LITAF: variants seen among roughly 807,000 people sequenced by gnomAD.
LITAF encodes the protein lipopolysaccharide-induced tumor necrosis factor-alpha factor.
LITAF carries 9 observed loss-of-function variants against 14.5 expected under a neutral mutation model. That is an observed-to-expected ratio of 0.62 (90% CI 0.37 to 1.08). The LOEUF is 1.08. Among genes scored for constraint, LITAF ranks in the 50% least tolerant of loss-of-function variants. LITAF has a pLI of 0.01. For missense variants in LITAF, 206 were observed against 213.4 expected, an observed-to-expected ratio of 0.97 and a Z score of 0.22; for synonymous variants, 98 against 88.2, an observed-to-expected ratio of 1.11 and a Z score of -0.62.
chr16:11,574,951 T>TGC, intron 1 of LITAF, among the ~76,000 whole-genome samples: 1 of 152,180 alleles, frequency 6.6e-6, no homozygotes, highest in Non-Finnish European at 1.5e-5. Context: ...TACAGGTGCA[T>TGC]GCCACCACGC....
rs940066921 is a variant in LITAF at position 11,605,923 on chromosome 16, G to A, written c.85+27610C>T. Among the ~76,000 whole-genome samples the A allele has an allele frequency of 6.6e-6, 1 of 152,126 alleles. No homozygotes were observed. The highest frequency in any genetic ancestry group is 1.5e-5 in the Non-Finnish European group (1 of 68,042). On this transcript the variant is annotated intron_variant, in intron 3 of 3. Coordinates refer to the LITAF transcript ENST00000574848. This position sits in a 1 kb window ranked among gnomAD's most constrained non-coding sequence, Gnocchi z 4.7. ...AGGATCAAGACCAACCTCTCCCACG[G>A]CCTGCGCACAGCCTGATCTTCTGGG...
chr16:11,579,703 G>A (rs1343804897), intron 1 of LITAF, among the ~76,000 whole-genome samples: 1 of 152,042 alleles, frequency 6.6e-6, no homozygotes, highest in African/African-American at 2.4e-5. Context: ...ATAATGGAGA[G>A]AACCAGGAAC....
At chr16:11,555,740 C>T (rs141740247) in intron 2 of LITAF, among the ~76,000 whole-genome samples, 1 of 152,232 alleles carries the variant, frequency 6.6e-6, no homozygotes, top group Non-Finnish European at 1.5e-5. Flanking sequence ...TTATCTCATC[C>T]TCTTCCAGCT....
At chr16:11,630,570 C>CTTT (rs66732953) in intron 3 of LITAF, among the ~76,000 whole-genome samples, 13 of 114,242 alleles carry the variant, frequency 1.1e-4, no homozygotes, top group African/African-American at 2.9e-4. Flanking sequence ...CCCTGGCCAA[C>CTTT]TTTTTTTTTT....
chr16:11,631,115 C>T (rs1294447705), intron 3 of LITAF, among the ~76,000 whole-genome samples: 2 of 152,170 alleles, frequency 1.3e-5, no homozygotes, highest in Non-Finnish European at 2.9e-5. Flanking sequence ...CTCAGGGCTG[C>T]AGAAAATAAA....
In LITAF at chr16:11,556,540, T is replaced by C; in HGVS notation, c.191A>G (p.Gln64Arg). The change falls in exon 2 of 4, where the codon CAG (glutamine) becomes CGG (arginine). Residue 64 changes from glutamine (Q) to arginine (R), a missense_variant. Transcript: ENST00000622633. ...ATTGTTATTGGGGATGGGCGCTGGC[T>C]GGGTATAATACGAAGGAGGATTCAT... ...KGMNPPSYYTQPAPIPNNNPI... is the reference protein window; with the variant it reads ...KGMNPPSYYTRPAPIPNNNPI... 1.2e-6 allele frequency: 2 copies of C among 1,614,154 alleles called. No homozygotes were observed. Among genetic ancestry groups the C allele is most frequent in the African/African-American group, 1.3e-5 (1 of 75,052 alleles).
At chr16:11,598,167 G>A (rs2064903315) in intron 1 of LITAF, among the ~76,000 whole-genome samples, 1 of 152,104 alleles carries the variant, frequency 6.6e-6, no homozygotes, top group South Asian at 2.1e-4. Flanking sequence ...CAAGGTGCTG[G>A]AATTACAGGC....
At position 11,553,525 on chromosome 16, in the gene LITAF, A is replaced by G; in HGVS notation, c.377+8T>C. On this transcript the variant is annotated splice_region_variant and intron_variant, in intron 3 of 3. Coordinates refer to ENST00000622633, the MANE Select transcript of LITAF (RefSeq NM_001136472.2). The surrounding 1 kb of genome is among the most constrained non-coding windows in gnomAD (Gnocchi z 7.7). Reference sequence around the variant, plus strand: ...GATGGCTTGGGGCCAAGTGGGAGGCAGACTCACCCCAGCAGGCACAGGCTC... The same window carrying G: ...GATGGCTTGGGGCCAAGTGGGAGGCGGACTCACCCCAGCAGGCACAGGCTC... The G allele has an allele frequency of 6.2e-7, 1 of 1,613,820 alleles. No homozygotes were observed. The highest frequency in any genetic ancestry group is 8.5e-7 in the Non-Finnish European group (1 of 1,179,912).
At chr16:11,616,728 T>G (rs1029784070) in intron 3 of LITAF, among the ~76,000 whole-genome samples, 3 of 151,878 alleles carry the variant, frequency 2.0e-5, no homozygotes, top group African/African-American at 7.2e-5. Flanking sequence ...GTGGGCAACA[T>G]AGGAAGACCC....
intron 3 of LITAF, among the ~76,000 whole-genome samples, chr16:11,619,247 G>T (rs1030409526): frequency 6.6e-6 from 1 of 151,732 alleles, no homozygotes; most frequent in East Asian, 1.9e-4. Flanking sequence ...GGAGGAAGAG[G>T]TTGCAGTGAG....
chr16:11,595,025 A>C (rs1312227598), intron 1 of LITAF, among the ~76,000 whole-genome samples: 1 of 152,196 alleles, frequency 6.6e-6, no homozygotes, highest in Non-Finnish European at 1.5e-5. Flanking sequence ...GAACAAATGC[A>C]AGTTGCTTAT....
chr16:11,626,905 C>T (rs138750332), intron 3 of LITAF, among the ~76,000 whole-genome samples: 249 of 151,910 alleles, frequency 1.6e-3, no homozygotes, highest in African/African-American at 5.3e-3. Flanking sequence ...TGCAGTGGCA[C>T]GATCTTGGCT....
At position 11,548,887 on chromosome 16, in the gene LITAF, TTACTC is replaced by T. The variant is rs1416752733; in HGVS notation, c.*745_*749del. 1.8e-5 allele frequency: 8 copies of T among 453,812 alleles called. No individual in the cohort carries two copies. The highest frequency in any genetic ancestry group is 1.2e-4 in the South Asian group (8 of 64,460). 28.1% of individuals were successfully genotyped at this position (453,812 alleles called of 1,614,324 possible). On this transcript the variant is annotated 3_prime_UTR_variant, in exon 4 of 4. Coordinates refer to ENST00000622633, the MANE Select transcript of LITAF (RefSeq NM_001136472.2). ...GAGGTCATAAAAACTGTTCATATAA[TTACTC>T]TATGAGAAAAAAATCCCTGTATGGA...
intron 1 of LITAF, among the ~76,000 whole-genome samples, chr16:11,574,801 GTTTTT>G (rs66512182): frequency 0.23 from 35,026 of 151,254 alleles, 4,218 homozygotes; most frequent in East Asian, 0.48. Context: ...TCAATATAAA[GTTTTT>G]TTTTTCTCTT....
intron 3 of LITAF, among the ~76,000 whole-genome samples, chr16:11,550,302 C>A (rs2064164198): frequency 6.6e-6 from 1 of 152,168 alleles, no homozygotes. Flanking sequence ...GTTGGCCAGG[C>A]TGGTCTCAAA....
intron 2 of LITAF, among the ~76,000 whole-genome samples, chr16:11,555,056 A>G (rs966816381): frequency 5.9e-5 from 9 of 152,044 alleles, no homozygotes; most frequent in African/African-American, 2.2e-4. Flanking sequence ...CAGGGGGGAC[A>G]AGGTCTTGTT....
chr16:11,639,342 G>T (rs1012978404), upstream of LITAF, among the ~76,000 whole-genome samples: 2 of 149,590 alleles, frequency 1.3e-5, no homozygotes, highest in African/African-American at 4.9e-5. Flanking sequence ...GTAGACGAAT[G>T]AATGATTAGT....
At chr16:11,622,310 C>A (rs2065056013) in intron 3 of LITAF, among the ~76,000 whole-genome samples, 1 of 152,282 alleles carries the variant, frequency 6.6e-6, no homozygotes, top group South Asian at 2.1e-4. Flanking sequence ...CCCAAACACA[C>A]AGACCCCAAG....
chr16:11,602,128 G>A (rs1177904467), upstream of LITAF, among the ~76,000 whole-genome samples: 4 of 152,156 alleles, frequency 2.6e-5, no homozygotes, highest in East Asian at 1.9e-4. Context: ...TGGGGAGGCC[G>A]AGGCGGACGG....
Sources: allele counts gnomAD v4.1 joint callset (sites outside exome capture counted in the v4.1 genomes callset), GRCh38; gene constraint gnomAD v4.1.1; non-coding constraint Gnocchi (gnomAD v3.1); transcripts MANE v1.5; gene names NCBI Gene and HGNC (gene_info 2026-07-23, HGNC 2026-07-21).